Variants in FHL1 observed in about 807,000 individuals in gnomAD.
FHL1 encodes the protein four and a half LIM domains protein 1.
Under a neutral mutation model 20.3 loss-of-function variants are expected in FHL1, and 1 was observed. That is an observed-to-expected ratio of 0.05 (90% CI 0.02 to 0.23). The LOEUF is 0.23. FHL1 is among the 10% of genes least tolerant of loss of function. The pLI is 1.00. For missense variants in FHL1, 177 were observed against 234.0 expected (o/e 0.76, Z 1.59); for synonymous variants, 82 against 88.9 (o/e 0.92, Z 0.44).
At chrX:136,170,830 G>A (rs751272441) in intron 2 of FHL1, among the ~76,000 whole-genome samples, 1 of 111,063 alleles carries the variant, frequency 9.0e-6, no homozygotes, top group Non-Finnish European at 1.9e-5. Context: ...AGGTTGCTGC[G>A]TTTTTGCCTT....
chrX:136,153,283 G>GT (rs1406422360), intron 1 of FHL1, among the ~76,000 whole-genome samples: 41 of 50,487 alleles, frequency 8.1e-4, no homozygotes, highest in African/African-American at 1.9e-3. Flanking sequence ...TTTGCGGGAG[G>GT]TGGGGGGGGG....
At chrX:136,155,028 A>T (rs1603241965) in intron 1 of FHL1, among the ~76,000 whole-genome samples, 2 of 112,223 alleles carry the variant, frequency 1.8e-5, no homozygotes, top group South Asian at 7.4e-4. Flanking sequence ...TTCTTAAAAA[A>T]ATCAGTTATT....
At chrX:136,184,943 C>G (rs2073250815) in intron 2 of FHL1, among the ~76,000 whole-genome samples, 1 of 111,699 alleles carries the variant, frequency 9.0e-6, no homozygotes, top group Non-Finnish European at 1.9e-5. Flanking sequence ...AATAACTTGG[C>G]TTGTAAGCAA....
rs1556639756 is a variant in FHL1 at position 136,209,989 on chromosome X, G to A, written c.855G>A (p.Glu285=). ...LANKRFVFHQ[E]QVYCPDCAKK... is the part of the protein sequence containing the mutation. ...ACAAGCGCTTTGTTTTCCACCAGGA[G>A]CAAGTGTATTGTCCCGACTGTGCCA... is the stretch of plus-strand genomic sequence containing the variant. Residue 285 remains glutamate (E), a synonymous_variant, in exon 6 of 6, where the codon GAG becomes GAA. Coordinates refer to ENST00000370683, the MANE Select transcript of FHL1 (RefSeq NM_001159699.2). The A allele has an allele frequency of 8.3e-7, 1 of 1,211,540 alleles. No individual in the cohort carries two copies. Among genetic ancestry groups the A allele is most frequent in the Non-Finnish European group, 1.1e-6 (1 of 895,477 alleles).
At chrX:136,149,597 AG>A (rs2072209483) in intron 1 of FHL1, among the ~76,000 whole-genome samples, 1 of 112,020 alleles carries the variant, frequency 8.9e-6, no homozygotes, top group Non-Finnish European at 1.9e-5. Context: ...TTGAAATTCT[AG>A]GCTACCATTC....
chrX:136,153,075 T>G (rs1462044673), intron 1 of FHL1, among the ~76,000 whole-genome samples: 1 of 112,104 alleles, frequency 8.9e-6, no homozygotes, highest in Non-Finnish European at 1.9e-5. Context: ...TTACACAATT[T>G]AAACATTTGT....
At position 136,210,549 on chromosome X, in the gene FHL1, G is replaced by T. The variant is rs1431739090; in HGVS notation, c.*524G>T. On this transcript the variant is annotated 3_prime_UTR_variant, in exon 6 of 6. Transcript: ENST00000370683. ...TCTGCCCTTCCTTCTGTTCTTTTGT[G>T]CTTTCAAATAACTAACACGAACTTC... 1 of 389,312 alleles carries T rather than the reference G, an allele frequency of 2.6e-6. No homozygotes were observed. Among genetic ancestry groups the T allele is most frequent in the African/African-American group, 2.5e-5 (1 of 40,698 alleles). The allele number at this position is 389,312 out of a possible 1,213,427, so 32.1% of individuals were successfully genotyped here.
rs1481414637 is a variant in FHL1 at position 136,211,192 on chromosome X, TATA to T, written c.*1170_*1172del. On this transcript the variant is annotated 3_prime_UTR_variant, in exon 6 of 6. Coordinates refer to ENST00000370683, the MANE Select transcript of FHL1 (RefSeq NM_001159699.2). Reference sequence around the variant, plus strand: ...TATTCTACATTATTATATGACATAGTATAATGAGACAATATCAAAAGTAAACAT... The same window carrying T: ...TATTCTACATTATTATATGACATAGTATGAGACAATATCAAAAGTAAACAT... The T allele has an allele frequency of 2.7e-6, 1 of 365,339 alleles. No individual in the cohort carries two copies. The highest frequency in any genetic ancestry group is 5.2e-6 in the Non-Finnish European group (1 of 191,460). 30.1% of individuals were successfully genotyped at this position (365,339 alleles called of 1,213,427 possible). A position where few individuals can be genotyped will look rare whatever the true frequency, so the allele number is the denominator to read the frequency against.
upstream of FHL1, chrX:136,146,859 T>G (rs1393882785): frequency 3.0e-6 from 1 of 329,242 alleles, no homozygotes; most frequent in East Asian, 9.8e-5. Flanking sequence ...GCACTGGGAT[T>G]ATGGATGGGG....
intron 2 of FHL1, among the ~76,000 whole-genome samples, chrX:136,179,712 C>CCTAA (rs2148319548): frequency 8.9e-6 from 1 of 112,039 alleles, no homozygotes; most frequent in South Asian, 3.8e-4. Flanking sequence ...ACAGGACTGT[C>CCTAA]TTAGGATCCC....
intron 1 of FHL1, among the ~76,000 whole-genome samples, chrX:136,153,427 G>C (rs1044814149): frequency 9.0e-6 from 1 of 111,425 alleles, no homozygotes; most frequent in Non-Finnish European, 1.9e-5. Flanking sequence ...ACATAGAACT[G>C]TGAGCCATAG....
At chrX:136,152,405 A>C (rs1386189080) in intron 1 of FHL1, among the ~76,000 whole-genome samples, 2 of 112,002 alleles carry the variant, frequency 1.8e-5, no homozygotes, top group Non-Finnish European at 3.8e-5. Flanking sequence ...TGGAGAAAGG[A>C]AGGTAACTGG....
chrX:136,193,143 A>T (rs2073473231), upstream of FHL1, among the ~76,000 whole-genome samples: 1 of 110,912 alleles, frequency 9.0e-6, no homozygotes, highest in Admixed American at 9.5e-5. Context: ...ACTCCATTAC[A>T]GTTTGTTATC....
At chrX:136,155,829 T>G (rs1189025540) in intron 1 of FHL1, among the ~76,000 whole-genome samples, 2 of 101,909 alleles carry the variant, frequency 2.0e-5, no homozygotes, top group African/African-American at 7.4e-5. Flanking sequence ...AAAAAAACAA[T>G]CAAAATAATA....
intron 1 of FHL1, among the ~76,000 whole-genome samples, chrX:136,163,942 A>AT (rs2072642818): frequency 8.9e-6 from 1 of 112,213 alleles, no homozygotes; most frequent in South Asian, 3.7e-4. Context: ...ATTCAAGCCT[A>AT]TCAGTCAATT....
intron 1 of FHL1, among the ~76,000 whole-genome samples, chrX:136,154,977 G>T (rs899607440): frequency 8.9e-6 from 1 of 112,267 alleles, no homozygotes; most frequent in Non-Finnish European, 1.9e-5. Flanking sequence ...AAAGTGCTGG[G>T]ATTACAGGCG....
At chrX:136,165,634 A>G (rs751041909), upstream of FHL1, among the ~76,000 whole-genome samples, 52 of 112,206 alleles carry the variant, frequency 4.6e-4, 1 homozygote, top group South Asian at 1.9e-3. Flanking sequence ...AGAGGAGACA[A>G]TGAGTCTGTG....
intron 1 of FHL1, among the ~76,000 whole-genome samples, chrX:136,201,126 T>C (rs778921638): frequency 8.9e-6 from 1 of 112,027 alleles, no homozygotes; most frequent in Non-Finnish European, 1.9e-5. Flanking sequence ...ATTGCACCAT[T>C]GCACTGCAGC....
At position 136,180,989 on chromosome X, in the gene FHL1, C is replaced by A. The variant is rs758829596; in HGVS notation, c.-27+11009C>A. Reference sequence around the variant, plus strand: ...ACTCCTGACTTGAGGTGACCCCACCCGCCTTGGTCCCCCAAAGTGCTGGGA... The same window carrying A: ...ACTCCTGACTTGAGGTGACCCCACCAGCCTTGGTCCCCCAAAGTGCTGGGA... On this transcript the variant is annotated intron_variant, in intron 2 of 6. Transcript: ENST00000394153. Among the ~76,000 whole-genome samples the A allele has an allele frequency of 2.7e-5, 3 of 112,469 alleles. No homozygotes were observed. The East Asian group carries it at 8.3e-4, about 31-fold the overall frequency.
Sources: allele counts gnomAD v4.1 joint callset (sites outside exome capture counted in the v4.1 genomes callset), GRCh38; gene constraint gnomAD v4.1.1; transcripts MANE v1.5; gene names NCBI Gene and HGNC (gene_info 2026-07-23, HGNC 2026-07-21).